Variants in NREP observed in about 807,000 individuals in gnomAD.
NREP encodes the protein neuronal regeneration related protein, also known as neuronal regeneration-related protein.
Under a neutral mutation model 8.6 loss-of-function variants are expected in NREP, and 5 were observed. That is an observed-to-expected ratio of 0.58 (90% CI 0.30 to 1.22). The LOEUF is 1.22. Among genes scored for constraint, NREP ranks in the 50% most tolerant of loss-of-function variants. The pLI, the probability that NREP is intolerant of heterozygous loss-of-function variation, is 0.07. For missense variants in NREP, 86 were observed against 82.5 expected (o/e 1.04, Z -0.17); for synonymous variants, 27 against 28.0 (o/e 0.96, Z 0.11).
At position 111,804,119 on chromosome 5, in the gene NREP, G is replaced by C. The variant is rs191241195; in HGVS notation, c.136-68612C>G. Among the ~76,000 whole-genome samples, 130 of 152,208 alleles carry C rather than the reference G, an allele frequency of 8.5e-4. 2 individuals are homozygous for C. The East Asian group carries it at 0.025, about 29-fold the overall frequency. ...TGACAAAGGTAAGAGAAATGAAAGA[G>C]GGATTGTCCCATTAGAAATGTAAAA... On this transcript the variant is annotated intron_variant, in intron 2 of 3. Transcript: ENST00000395634.
At chr5:111,775,604 G>C (rs1751339468) in intron 2 of NREP, among the ~76,000 whole-genome samples, 1 of 152,088 alleles carries the variant, frequency 6.6e-6, no homozygotes, top group African/African-American at 2.4e-5. Flanking sequence ...ATAATCCAGA[G>C]AGTATATTTA....
chr5:111,835,353 A>G (rs545445250), intron 2 of NREP, among the ~76,000 whole-genome samples: 2 of 152,280 alleles, frequency 1.3e-5, no homozygotes, highest in South Asian at 4.1e-4. Context: ...GAATAGTAAT[A>G]GTATTAATAA....
chr5:111,765,430 A>G (rs1423557902), intron 2 of NREP, among the ~76,000 whole-genome samples: 4 of 152,172 alleles, frequency 2.6e-5, no homozygotes, highest in Non-Finnish European at 4.4e-5. Flanking sequence ...AATTTCTCAT[A>G]AAGTTGCATT....
chr5:111,946,714 A>C (rs1485315089), intron 2 of NREP, among the ~76,000 whole-genome samples: 1 of 151,992 alleles, frequency 6.6e-6, no homozygotes, highest in African/African-American at 2.4e-5. Flanking sequence ...CTTTCCCAAC[A>C]AAAAATAAAT....
intron 2 of NREP, among the ~76,000 whole-genome samples, chr5:111,845,126 A>G (rs796764316): frequency 7.9e-5 from 12 of 151,986 alleles, no homozygotes; most frequent in African/African-American, 2.9e-4. Flanking sequence ...AGTAGGGCAG[A>G]CCTTGTGCTA....
intron 2 of NREP, among the ~76,000 whole-genome samples, chr5:111,751,316 C>T (rs745897185): frequency 2.0e-5 from 3 of 152,066 alleles, no homozygotes; most frequent in Non-Finnish European, 2.9e-5. Context: ...AGCTGAGAGC[C>T]GTGTTAATGC....
At chr5:111,936,141 G>A (rs777341627) in intron 2 of NREP, among the ~76,000 whole-genome samples, 10 of 151,966 alleles carry the variant, frequency 6.6e-5, no homozygotes, top group African/African-American at 1.4e-4. Context: ...AATCCTATCC[G>A]ATTAAGGGCA....
At chr5:111,967,738 T>C (rs920295938) in intron 2 of NREP, among the ~76,000 whole-genome samples, 1 of 152,134 alleles carries the variant, frequency 6.6e-6, no homozygotes, top group Admixed American at 6.5e-5. Context: ...AAGTGTGAAG[T>C]GACAGCCTTG....
chr5:111,756,538 A>C (rs779294889), intron 1 of NREP, among the ~76,000 whole-genome samples: 6 of 152,164 alleles, frequency 3.9e-5, no homozygotes, highest in Non-Finnish European at 7.4e-5. Context: ...GTTTTCCTAT[A>C]ATGTTATTAT....
intron 2 of NREP, among the ~76,000 whole-genome samples, chr5:111,797,367 G>T (rs766202937): frequency 7.2e-5 from 11 of 152,092 alleles, no homozygotes; most frequent in Non-Finnish European, 1.3e-4. Flanking sequence ...TAGTCCAATT[G>T]TTATCCTCTA....
chr5:111,814,594 T>A (rs528504904), intron 2 of NREP, among the ~76,000 whole-genome samples: 4 of 152,254 alleles, frequency 2.6e-5, no homozygotes, highest in Admixed American at 1.3e-4. Flanking sequence ...AATGAGCAGA[T>A]CTTTGTTGAG....
At chr5:111,826,297 G>C (rs1242389155) in intron 2 of NREP, among the ~76,000 whole-genome samples, 2 of 152,170 alleles carry the variant, frequency 1.3e-5, no homozygotes, top group Non-Finnish European at 2.9e-5. Flanking sequence ...GATGTGGGTG[G>C]GGCCAAATAA....
upstream of NREP, among the ~76,000 whole-genome samples, chr5:111,760,261 C>A (rs1274230217): frequency 6.6e-6 from 1 of 152,150 alleles, no homozygotes; most frequent in African/African-American, 2.4e-5. Flanking sequence ...CAGACACTAC[C>A]AAATGTTCCA....
At chr5:111,975,267 G>T in intron 2 of NREP, 1 of 1,544,662 alleles carries the variant, frequency 6.5e-7, no homozygotes, top group Non-Finnish European at 8.8e-7. Context: ...ATAGCAGTTT[G>T]TCTTACACAA....
intron 2 of NREP, among the ~76,000 whole-genome samples, chr5:111,794,397 A>T (rs1053219047): frequency 2.6e-5 from 4 of 152,248 alleles, no homozygotes; most frequent in Non-Finnish European, 4.4e-5. Context: ...CACTTTACTC[A>T]TAATTGCCAA....
chr5:111,895,576 C>T (rs1418154364), intron 2 of NREP, among the ~76,000 whole-genome samples: 1 of 152,044 alleles, frequency 6.6e-6, no homozygotes, highest in Non-Finnish European at 1.5e-5. Flanking sequence ...ATGGGTGAGG[C>T]AGGCAGGGAT....
At position 111,946,507 on chromosome 5, in the gene NREP, G is replaced by A. The variant is rs1755987891; in HGVS notation, c.135+28767C>T. On this transcript the variant is annotated intron_variant, in intron 2 of 3. Coordinates refer to the NREP transcript ENST00000395634. ...TGATGCATTTGTTTTTCAGGCCACAGTAAAAGATAATCCCCTGAAAACTCC... is the reference window on the plus strand; with the variant it reads ...TGATGCATTTGTTTTTCAGGCCACAATAAAAGATAATCCCCTGAAAACTCC... Among the ~76,000 whole-genome samples, 5 of 152,080 alleles carry A rather than the reference G, an allele frequency of 3.3e-5. No homozygotes were observed. The South Asian group carries it at 1.0e-3, about 32-fold the overall frequency.
intron 2 of NREP, among the ~76,000 whole-genome samples, chr5:111,826,805 G>T: frequency 6.6e-6 from 1 of 152,188 alleles, no homozygotes; most frequent in East Asian, 1.9e-4. Flanking sequence ...AAAGTGCTGG[G>T]ATTATAGCCC....
At chr5:111,750,186 C>T (rs984584044) in intron 2 of NREP, among the ~76,000 whole-genome samples, 1 of 152,148 alleles carries the variant, frequency 6.6e-6, no homozygotes, top group Non-Finnish European at 1.5e-5. Context: ...TAAAAAGGTA[C>T]TATGCTTACT....
Sources: allele counts gnomAD v4.1 joint callset (sites outside exome capture counted in the v4.1 genomes callset), GRCh38; gene constraint gnomAD v4.1.1; transcripts MANE v1.5; gene names NCBI Gene and HGNC (gene_info 2026-07-23, HGNC 2026-07-21).